GLDN: variants seen among roughly 807,000 people sequenced by gnomAD.
The protein encoded by GLDN is gliomedin.
Under a neutral mutation model 56.5 loss-of-function variants are expected in GLDN, and 47 were observed. The ratio of observed to expected loss-of-function variants is 0.83; its 90% confidence interval spans 0.66 to 1.06. The LOEUF is 1.06. Among genes scored for constraint, GLDN ranks in the 50% least tolerant of loss-of-function variants. The pLI is 0.00. For missense variants in GLDN, 782 were observed against 714.3 expected, an observed-to-expected ratio of 1.09 and a Z score of -1.08; for synonymous variants, 332 against 278.8, an observed-to-expected ratio of 1.19 and a Z score of -1.90.
intron 1 of GLDN, among the ~76,000 whole-genome samples, chr15:51,364,645 C>T (rs1193698214): frequency 6.6e-6 from 1 of 152,128 alleles, no homozygotes; most frequent in East Asian, 1.9e-4. Flanking sequence ...TTCAATCTTT[C>T]CTCTAGCTTC....
Position 51,341,887 on chromosome 15 carries a change from T to G in GLDN, c.203T>G (p.Phe68Cys), listed in dbSNP as rs2036889553. Reference protein sequence around the residue: ...EQREDSALRSFLAELSRAPRG... With the variant: ...EQREDSALRSCLAELSRAPRG... The stretch of plus-strand genomic sequence containing the variant: ...CGCGAGGACAGTGCCCTGCGCTCCT[T>G]CCTGGCCGAGTTGAGCCGCGCGCCG... The change falls in exon 1 of 10, where the codon TTC becomes TGC. Residue 68 changes from phenylalanine to cysteine, a missense_variant. By Grantham distance (205) the Phe-to-Cys change is radical. Coordinates refer to ENST00000335449, the MANE Select transcript of GLDN (RefSeq NM_181789.4). 4 of 1,580,754 alleles carry G rather than the reference T, an allele frequency of 2.5e-6. No individual in the cohort carries two copies. Among genetic ancestry groups the G allele is most frequent in the Non-Finnish European group, 3.4e-6 (4 of 1,171,568 alleles).
chr15:51,358,538 T>G (rs1050186181), intron 1 of GLDN, among the ~76,000 whole-genome samples: 6 of 152,126 alleles, frequency 3.9e-5, no homozygotes, highest in African/African-American at 1.2e-4. Flanking sequence ...CGGGCAAAAC[T>G]GCTATGTCGG....
intron 1 of GLDN, chr15:51,360,610 T>G (rs1440016867): frequency 1.3e-5 from 2 of 152,284 alleles, no homozygotes; most frequent in African/African-American, 4.8e-5. Flanking sequence ...AGTTTTACTC[T>G]TCTGTCCCGG....
chr15:51,394,702 A>T, intron 4 of GLDN, 133 bp from the exon 5 acceptor site: 1 of 798,496 alleles, frequency 1.3e-6, no homozygotes, highest in Non-Finnish European at 2.0e-6. Flanking sequence ...CTGCTGCTCT[A>T]AAATGGTTAT....
intron 1 of GLDN, among the ~76,000 whole-genome samples, chr15:51,362,326 T>C (rs56913992): frequency 0.13 from 19,922 of 151,504 alleles, 2,628 homozygotes; most frequent in African/African-American, 0.34. Context: ...CTCTACCAAA[T>C]ATATACAAAT....
At chr15:51,393,438 G>A (rs549539655) in intron 4 of GLDN, among the ~76,000 whole-genome samples, 1 of 152,278 alleles carries the variant, frequency 6.6e-6, no homozygotes, top group South Asian at 2.1e-4. Flanking sequence ...TCCCCATGGT[G>A]GCCGTGGGAA....
Position 51,342,181 on chromosome 15 carries a change from C to G in GLDN, c.363+134C>G. ...CGGAGAGGGCTGTGGGCATGAGTAG[C>G]TGGGGATGTCACCTTGGCAAGCACC... On this transcript the variant is annotated intron_variant, in intron 1 of 9. Coordinates refer to ENST00000335449, the MANE Select transcript of GLDN (RefSeq NM_181789.4). 4.4e-6 allele frequency: 5 copies of G among 1,134,778 alleles called. No individual in the cohort carries two copies. The South Asian group carries it at 6.8e-5, about 16-fold the overall frequency. The allele number at this position is 1,134,778 out of a possible 1,614,324, so 70.3% of individuals were successfully genotyped here.
chr15:51,412,297 T>TC (rs1472090476), downstream of GLDN, among the ~76,000 whole-genome samples: 1 of 152,244 alleles, frequency 6.6e-6, no homozygotes, highest in Non-Finnish European at 1.5e-5. Flanking sequence ...TACCTACGAT[T>TC]CCTCTATGCT....
intron 9 of GLDN, 122 bp downstream of exon 9, chr15:51,401,865 C>A: frequency 1.2e-6 from 1 of 835,706 alleles, no homozygotes; most frequent in Non-Finnish European, 1.8e-6. Flanking sequence ...GGCTGACACA[C>A]TGAGGTCAAT....
chr15:51,356,048 A>G (rs1030435244), intron 1 of GLDN, among the ~76,000 whole-genome samples: 4 of 151,366 alleles, frequency 2.6e-5, no homozygotes, highest in Non-Finnish European at 5.9e-5. Flanking sequence ...TCTACTAAAA[A>G]TACAAAAGAT....
chr15:51,365,269 G>T (rs2037377680), intron 1 of GLDN, among the ~76,000 whole-genome samples: 1 of 151,988 alleles, frequency 6.6e-6, no homozygotes, highest in African/African-American at 2.4e-5. Flanking sequence ...CATTGTATGA[G>T]ATTTTTTCAT....
chr15:51,373,203 T>A (rs1211559857), intron 1 of GLDN, among the ~76,000 whole-genome samples: 1 of 152,182 alleles, frequency 6.6e-6, no homozygotes, highest in African/African-American at 2.4e-5. Flanking sequence ...GTAATAAATA[T>A]GTAAGCAAGA....
chr15:51,403,765 T>C (rs970575467), intron 9 of GLDN, among the ~76,000 whole-genome samples: 3 of 152,208 alleles, frequency 2.0e-5, no homozygotes, highest in Non-Finnish European at 2.9e-5. Context: ...AGTAAAGGAA[T>C]AACCCCCACA....
intron 6 of GLDN, among the ~76,000 whole-genome samples, chr15:51,398,028 A>G (rs2038172382): frequency 6.6e-6 from 1 of 152,274 alleles, no homozygotes; most frequent in African/African-American, 2.4e-5. Flanking sequence ...ACATTAAGCC[A>G]GGCACAGGGC....
chr15:51,354,494 A>G lies in GLDN; in HGVS notation c.363+12447A>G, dbSNP rs1016600357. Among the ~76,000 whole-genome samples, 3 of 152,312 alleles carry G rather than the reference A, an allele frequency of 2.0e-5. No individual in the cohort carries two copies. The East Asian group carries it at 5.8e-4, about 29-fold the overall frequency. ...CATGGGGGCACTGAAGAAGAGAGAA[A>G]ATAAGTCCTCACTAAGGAAATTGAA... On this transcript the variant is annotated intron_variant, in intron 1 of 9. Transcript: ENST00000335449.
At chr15:51,344,858 C>T (rs2036949543) in intron 1 of GLDN, among the ~76,000 whole-genome samples, 1 of 152,206 alleles carries the variant, frequency 6.6e-6, no homozygotes, top group Non-Finnish European at 1.5e-5. Flanking sequence ...CTTACCAGAA[C>T]CTGGTTGGCA....
chr15:51,374,899 A>G (rs1258521907), intron 1 of GLDN, among the ~76,000 whole-genome samples: 1 of 151,912 alleles, frequency 6.6e-6, no homozygotes. Flanking sequence ...CACTATATCC[A>G]GCTAATTTTT....
intron 1 of GLDN, among the ~76,000 whole-genome samples, chr15:51,353,746 T>TAAA (rs56751652): frequency 0.17 from 19,557 of 116,966 alleles, 2,129 homozygotes; most frequent in African/African-American, 0.28. Flanking sequence ...CACAGTCAAT[T>TAAA]AAAAAAAAAA....
At chr15:51,368,201 C>T (rs765445226) in intron 1 of GLDN, among the ~76,000 whole-genome samples, 9 of 152,042 alleles carry the variant, frequency 5.9e-5, no homozygotes, top group Non-Finnish European at 1.2e-4. Context: ...TGCTTGATGC[C>T]ATTCTGGTGC....
Sources: allele counts gnomAD v4.1 joint callset (sites outside exome capture counted in the v4.1 genomes callset), GRCh38; gene constraint gnomAD v4.1.1; transcripts MANE v1.5; gene names NCBI Gene and HGNC (gene_info 2026-07-23, HGNC 2026-07-21).